Variants in UNC5C observed in about 807,000 individuals in gnomAD.
The protein encoded by UNC5C is unc-5 netrin receptor C.
UNC5C carries 47 observed loss-of-function variants against 99.8 expected under a neutral mutation model. The ratio of observed to expected loss-of-function variants is 0.47; its 90% CI spans 0.37 to 0.60. The LOEUF (loss-of-function observed/expected upper bound fraction) is 0.60, where lower values mean the gene tolerates loss of function less well. UNC5C is among the 20% of genes least tolerant of loss of function. UNC5C has a pLI of 0.00. For synonymous variants in UNC5C, 487 were observed against 452.2 expected (o/e 1.08, Z -0.98); for missense variants, 1,062 against 1,165.9 (o/e 0.91, Z 1.30).
intron 1 of UNC5C, among the ~76,000 whole-genome samples, chr4:95,414,100 G>C (rs1746088325): frequency 1.3e-5 from 2 of 152,150 alleles, no homozygotes; most frequent in African/African-American, 4.8e-5. Flanking sequence ...TTATTCAATA[G>C]CTCAAATGGT....
intron 1 of UNC5C, among the ~76,000 whole-genome samples, chr4:95,537,652 A>T (rs1722815715): frequency 6.6e-6 from 1 of 152,202 alleles, no homozygotes; most frequent in African/African-American, 2.4e-5. Flanking sequence ...TGTATATATA[A>T]GCAACTCTTT....
intron 1 of UNC5C, among the ~76,000 whole-genome samples, chr4:95,540,444 G>T (rs1246921526): frequency 1.3e-5 from 2 of 152,138 alleles, no homozygotes; most frequent in African/African-American, 4.8e-5. Context: ...TGATGGCTGT[G>T]GGAGGCAGGG....
chr4:95,546,446 CT>C (rs1206202868), intron 1 of UNC5C, among the ~76,000 whole-genome samples: 3 of 152,120 alleles, frequency 2.0e-5, no homozygotes, highest in Non-Finnish European at 2.9e-5. Context: ...CCTTTGATAA[CT>C]AACAGACAAC....
intron 1 of UNC5C, among the ~76,000 whole-genome samples, chr4:95,398,984 T>C (rs907728964): frequency 6.6e-6 from 1 of 152,196 alleles, no homozygotes; most frequent in African/African-American, 2.4e-5. Flanking sequence ...ATTCTCTGAA[T>C]AATACAGGAA....
At chr4:95,343,703 A>G (rs1743663262) in intron 1 of UNC5C, among the ~76,000 whole-genome samples, 1 of 152,102 alleles carries the variant, frequency 6.6e-6, no homozygotes, top group African/African-American at 2.4e-5. Flanking sequence ...TAGAGAAGGA[A>G]TTCAGAATTA....
At chr4:95,354,479 A>ATATATATATATATATATATATTTTTTTT in intron 1 of UNC5C, among the ~76,000 whole-genome samples, 2 of 110,350 alleles carry the variant, frequency 1.8e-5, no homozygotes, top group East Asian at 2.1e-4. Context: ...ATATATATAT[A>ATATATATATATATATATATATTTTTTTT]TTTTTTTTTT....
At chr4:95,332,552 C>T (rs1447051297) in intron 2 of UNC5C, among the ~76,000 whole-genome samples, 72 of 151,760 alleles carry the variant, frequency 4.7e-4, no homozygotes, top group Non-Finnish European at 5.2e-4. Context: ...CTTCCTTACA[C>T]CTTATACAAA....
In UNC5C at chr4:95,481,492, A is replaced by T. The variant is rs551048116; in HGVS notation, c.124+67242T>A. ...TCAAGCTACCAATGACTTTCTTCAC[A>T]GAATTGGAAAAAACTACTTTAAAGT... On this transcript the variant is annotated intron_variant, in intron 1 of 15. Transcript: ENST00000453304. Among the ~76,000 whole-genome samples the T allele has an allele frequency of 7.4e-3, 1,124 of 152,142 alleles. 17 individuals are homozygous for T. The highest frequency in any genetic ancestry group is 0.025 in the African/African-American group (1,057 of 41,526).
At chr4:95,385,145 C>A (rs559590881) in intron 1 of UNC5C, among the ~76,000 whole-genome samples, 1 of 152,088 alleles carries the variant, frequency 6.6e-6, no homozygotes, top group African/African-American at 2.4e-5. Flanking sequence ...ATTCACAGTG[C>A]TTTGTAGACT....
chr4:95,208,716 A>G (rs983782554), intron 10 of UNC5C, among the ~76,000 whole-genome samples: 1 of 152,238 alleles, frequency 6.6e-6, no homozygotes, highest in African/African-American at 2.4e-5. Context: ...TCCACCAAAT[A>G]TAAACCCATT....
chr4:95,465,309 A>G (rs1747739003), intron 1 of UNC5C, among the ~76,000 whole-genome samples: 1 of 152,186 alleles, frequency 6.6e-6, no homozygotes, highest in Non-Finnish European at 1.5e-5. Flanking sequence ...TCCCATCTCT[A>G]AAGTAGGAAC....
chr4:95,310,668 TC>T (rs1462114596), intron 2 of UNC5C, among the ~76,000 whole-genome samples: 2 of 152,142 alleles, frequency 1.3e-5, no homozygotes, highest in East Asian at 3.9e-4. Context: ...GGTCATTGAC[TC>T]AATTCCTTTT....
chr4:95,335,360 A>T (rs760693951), intron 2 of UNC5C, 50 bp downstream of exon 2: 5 of 1,479,930 alleles, frequency 3.4e-6, no homozygotes, highest in Non-Finnish European at 3.7e-6. Flanking sequence ...ATGCTAGAGT[A>T]GTGAGTAAGT....
chr4:95,183,349 C>CTAAT (rs1303757197), intron 13 of UNC5C, among the ~76,000 whole-genome samples: 1 of 151,386 alleles, frequency 6.6e-6, no homozygotes, highest in East Asian at 2.0e-4. Context: ...CCACATGTCT[C>CTAAT]TAATTTACAA....
At chr4:95,256,866 C>T (rs536968645) in intron 4 of UNC5C, among the ~76,000 whole-genome samples, 57 of 151,778 alleles carry the variant, frequency 3.8e-4, no homozygotes, top group African/African-American at 1.4e-3. Context: ...CAGCATGGGA[C>T]GCTTGCTAAA....
chr4:95,445,416 A>G (rs1209698812), intron 1 of UNC5C, among the ~76,000 whole-genome samples: 1 of 151,928 alleles, frequency 6.6e-6, no homozygotes, highest in African/African-American at 2.4e-5. Context: ...TTCCGTTCGG[A>G]TTCAGCTGGC....
chr4:95,453,400 A>T (rs533154376), intron 1 of UNC5C, among the ~76,000 whole-genome samples: 1 of 152,124 alleles, frequency 6.6e-6, no homozygotes, highest in African/African-American at 2.4e-5. Context: ...TACAATAAGT[A>T]TATTCTGGAG....
intron 4 of UNC5C, among the ~76,000 whole-genome samples, chr4:95,277,357 A>G (rs1740900329): frequency 6.6e-6 from 1 of 152,224 alleles, no homozygotes. Flanking sequence ...CAGCTATGCC[A>G]CTTGTCAAAT....
At chr4:95,534,023 A>G (rs1353182096) in intron 1 of UNC5C, among the ~76,000 whole-genome samples, 4 of 152,144 alleles carry the variant, frequency 2.6e-5, no homozygotes, top group Admixed American at 2.6e-4. Flanking sequence ...TAAAGATAAA[A>G]CATTTTTATA....
Sources: gnomAD v4.1 joint callset for allele counts (sites outside exome capture counted in the v4.1 genomes callset) on GRCh38, gnomAD v4.1.1 for gene constraint, MANE v1.5 for transcripts, NCBI Gene and HGNC (gene_info 2026-07-23, HGNC 2026-07-21) for gene names.